Variants in SLC17A5 observed in about 807,000 individuals in gnomAD.
The protein encoded by SLC17A5 is sialin.
A neutral mutation model predicts 59.4 loss-of-function variants in SLC17A5; 47 were observed. The observed-to-expected ratio is 0.79, with a 90% CI of 0.63 to 1.01. SLC17A5 has a LOEUF of 1.01. Ranked by LOEUF, SLC17A5 falls within the 50% of genes least tolerant of loss-of-function variation. The pLI is 0.00. For synonymous variants in SLC17A5, 202 were observed against 210.7 expected (o/e 0.96, Z 0.36); for missense variants, 522 against 595.5 (o/e 0.88, Z 1.28).
At chr6:73,601,413 G>A (rs377173181) in intron 9 of SLC17A5, among the ~76,000 whole-genome samples, 9 of 147,754 alleles carry the variant, frequency 6.1e-5, no homozygotes, top group Admixed American at 4.7e-4. Flanking sequence ...GAGGGAGGTG[G>A]GGGGGTCAGC....
At chr6:73,601,298 T>C (rs1767070231) in intron 9 of SLC17A5, among the ~76,000 whole-genome samples, 2 of 130,420 alleles carry the variant, frequency 1.5e-5, no homozygotes, top group East Asian at 2.4e-4. Flanking sequence ...GAGGAGCCCC[T>C]CCGCCCGGCA....
intron 6 of SLC17A5, among the ~76,000 whole-genome samples, chr6:73,632,728 C>T (rs1768806208): frequency 6.6e-6 from 1 of 151,522 alleles, no homozygotes; most frequent in Non-Finnish European, 1.5e-5. Context: ...AGATGCGAGC[C>T]ACCACCCCTG....
chr6:73,633,049 G>A (rs190592302), intron 6 of SLC17A5, among the ~76,000 whole-genome samples: 10 of 152,278 alleles, frequency 6.6e-5, no homozygotes, highest in African/African-American at 2.4e-4. Context: ...TGCAATGGCT[G>A]ATCATAGTTC....
chr6:73,603,120 AT>A (rs1209550185), intron 9 of SLC17A5, among the ~76,000 whole-genome samples: 1 of 152,050 alleles, frequency 6.6e-6, no homozygotes. Context: ...CAAACATAAA[AT>A]TTGCTTGTTC....
Position 73,653,817 on chromosome 6 carries a change from G to C in SLC17A5, c.70C>G (p.Pro24Ala). 1 of 1,599,690 alleles carries C rather than the reference G, an allele frequency of 6.3e-7. No homozygotes were observed. Among genetic ancestry groups the C allele is most frequent in the African/African-American group, 1.3e-5 (1 of 74,712 alleles). ...EESTDRTPLL[P>A]GAPRAEAAPV... ...CCGGCTTCGGCCCGTGGGGCGCCCG[G>C]TAGAAGAGGCGTGCGGTCCGTGCTC... The change falls in exon 1 of 11, where the codon CCG becomes GCG. Residue 24 changes from proline to alanine, a missense_variant. Pro to Ala is a conservative substitution (Grantham distance 27). Around this residue, in one of 3 missense-constraint regions of SLC17A5, gnomAD observed 338 missense variants for 363.8 expected, o/e 0.93. Transcript: ENST00000355773.
chr6:73,615,300 G>T lies in SLC17A5; in HGVS notation c.1111+15C>A. The T allele has an allele frequency of 6.2e-7, 1 of 1,613,704 alleles. No individual in the cohort carries two copies. The highest frequency in any genetic ancestry group is 8.5e-7 in the Non-Finnish European group (1 of 1,179,864). On this transcript the variant is annotated intron_variant, in intron 8 of 10. Transcript: ENST00000355773. Reference sequence around the variant, plus strand: ...ATAACTGTAAACCAAAACAAAACCTGATTGCTTCACTTACCTATAAGGCTA... The same window carrying T: ...ATAACTGTAAACCAAAACAAAACCTTATTGCTTCACTTACCTATAAGGCTA...
intron 9 of SLC17A5, among the ~76,000 whole-genome samples, chr6:73,606,326 A>G (rs1180346732): frequency 6.6e-6 from 1 of 152,154 alleles, no homozygotes; most frequent in Non-Finnish European, 1.5e-5. Flanking sequence ...TACAGGCATG[A>G]GCCACCTCAC....
chr6:73,614,418 T>A (rs1006692825), intron 8 of SLC17A5, among the ~76,000 whole-genome samples: 12 of 152,186 alleles, frequency 7.9e-5, no homozygotes, highest in Admixed American at 7.9e-4. Flanking sequence ...ATTAAAAAAT[T>A]GTTTTAAAAA....
chr6:73,621,888 G>T lies in SLC17A5; in HGVS notation c.894C>A (p.His298Gln), dbSNP rs1287554172. 6.2e-7 allele frequency: 1 copy of T among 1,613,614 alleles called. No individual in the cohort carries two copies. Among genetic ancestry groups the T allele is most frequent in the Middle Eastern group, 1.7e-4 (1 of 6,058 alleles). The change falls in exon 7 of 11, where the codon CAC becomes CAA. Residue 298 changes from histidine (H) to glutamine (Q), a missense_variant. By Grantham distance (24) the His-to-Gln change is conservative. Coordinates refer to ENST00000355773, the MANE Select transcript of SLC17A5 (RefSeq NM_012434.5). ...TATAAAAAGTCCAGTTGTAAGAAAAGTGTGCAACTACGATAGCCCAAAGTG... is the reference window on the plus strand; with the variant it reads ...TATAAAAAGTCCAGTTGTAAGAAAATTGTGCAACTACGATAGCCCAAAGTG... ...SLPLWAIVVAHFSYNWTFYTL... is the reference protein window; with the variant it reads ...SLPLWAIVVAQFSYNWTFYTL...
At chr6:73,642,223 G>T (rs541145312) in intron 2 of SLC17A5, among the ~76,000 whole-genome samples, 1 of 152,264 alleles carries the variant, frequency 6.6e-6, no homozygotes, top group South Asian at 2.1e-4. Context: ...GCTCACAAAA[G>T]AATCACAAAA....
intron 6 of SLC17A5, among the ~76,000 whole-genome samples, chr6:73,629,747 C>G (rs1768607210): frequency 6.6e-6 from 1 of 151,914 alleles, no homozygotes. Flanking sequence ...TGCACTCCAG[C>G]CTGGGCAACA....
intron 9 of SLC17A5, among the ~76,000 whole-genome samples, chr6:73,602,882 G>C (rs964622276): frequency 6.6e-6 from 1 of 151,376 alleles, no homozygotes; most frequent in Non-Finnish European, 1.5e-5. Flanking sequence ...AGAAAGCTTA[G>C]CATGTCTAGC....
At chr6:73,629,577 A>T (rs951893882) in intron 6 of SLC17A5, among the ~76,000 whole-genome samples, 1 of 152,118 alleles carries the variant, frequency 6.6e-6, no homozygotes, top group Non-Finnish European at 1.5e-5. Context: ...GTTTGAGACC[A>T]GCCTGACCAA....
chr6:73,641,986 C>T (rs1429309209), intron 2 of SLC17A5, 62 bp from the exon 3 acceptor site: 14 of 1,373,780 alleles, frequency 1.0e-5, no homozygotes, highest in Non-Finnish European at 1.5e-5. Context: ...GCTCTTTTCT[C>T]TTACTGGCAT....
intron 8 of SLC17A5, among the ~76,000 whole-genome samples, chr6:73,614,430 G>T (rs1018040193): frequency 1.3e-5 from 2 of 152,138 alleles, no homozygotes; most frequent in Non-Finnish European, 2.9e-5. Context: ...TTTTAAAAAA[G>T]AAATATATAT....
intron 6 of SLC17A5, among the ~76,000 whole-genome samples, chr6:73,622,877 A>C (rs901540221): frequency 3.9e-5 from 6 of 152,282 alleles, no homozygotes; most frequent in Admixed American, 3.9e-4. Flanking sequence ...TTTTATTATA[A>C]AAATAAAAAA....
At chr6:73,643,350 T>A (rs1769378100) in intron 2 of SLC17A5, among the ~76,000 whole-genome samples, 1 of 151,858 alleles carries the variant, frequency 6.6e-6, no homozygotes. Flanking sequence ...TCAGTAGAGA[T>A]GGGGTTTCAC....
Position 73,595,231 on chromosome 6 carries a change from A to T in SLC17A5, c.1351-17T>A. On this transcript the variant is annotated splice_polypyrimidine_tract_variant and intron_variant, in intron 10 of 10. Transcript: ENST00000355773. ...AACAGTGTTCTATAAAGGAAGACAA[A>T]AAATGCAAGTGAAATAAAATTTTGT... The T allele has an allele frequency of 1.2e-6, 2 of 1,613,942 alleles. No homozygotes were observed. The highest frequency in any genetic ancestry group is 1.7e-6 in the Non-Finnish European group (2 of 1,179,932).
intron 5 of SLC17A5, among the ~76,000 whole-genome samples, chr6:73,635,961 G>C (rs1768973605): frequency 6.6e-6 from 1 of 151,934 alleles, no homozygotes; most frequent in Non-Finnish European, 1.5e-5. Flanking sequence ...GGCTGGTCTT[G>C]AACTCCTGAC....
Sources: allele counts gnomAD v4.1 joint callset (sites outside exome capture counted in the v4.1 genomes callset), GRCh38; gene constraint gnomAD v4.1.1; regional missense constraint gnomAD v4.1.1; transcripts MANE v1.5; gene names NCBI Gene and HGNC (gene_info 2026-07-23, HGNC 2026-07-21).